PPFIBP1: variants seen among roughly 807,000 people sequenced by gnomAD.
The protein encoded by PPFIBP1 is liprin-beta-1.
PPFIBP1 carries 112 observed loss-of-function variants against 137.8 expected under a neutral mutation model. That is an observed-to-expected ratio of 0.81 (90% CI 0.70 to 0.95). The LOEUF (loss-of-function observed/expected upper bound fraction) is 0.95. Among genes scored for constraint, PPFIBP1 ranks in the 40% least tolerant of loss-of-function variants. The pLI is 0.00. For synonymous variants in PPFIBP1, 378 were observed against 417.3 expected (o/e 0.91, Z 1.15); for missense variants, 1,083 against 1,196.6 (o/e 0.91, Z 1.40).
intron 1 of PPFIBP1, chr12:27,552,706 T>C (rs1946896565): frequency 6.6e-6 from 1 of 152,216 alleles, no homozygotes; most frequent in Admixed American, 6.5e-5. Flanking sequence ...CATTATTCAA[T>C]GATACTTGTT....
At chr12:27,527,425 T>C (rs571485812) in intron 1 of PPFIBP1, among the ~76,000 whole-genome samples, 24 of 152,034 alleles carry the variant, frequency 1.6e-4, no homozygotes, top group Non-Finnish European at 3.2e-4. Flanking sequence ...GTATTTTTAG[T>C]AGAGGCGGGT....
chr12:27,616,074 T>C (rs1257107680), intron 2 of PPFIBP1, among the ~76,000 whole-genome samples: 3 of 152,278 alleles, frequency 2.0e-5, no homozygotes, highest in Admixed American at 6.5e-5. Flanking sequence ...TTAGTTGTTA[T>C]TGTTTTCTTT....
intron 21 of PPFIBP1, among the ~76,000 whole-genome samples, 174 bp from the exon 22 acceptor site, chr12:27,681,372 A>G (rs1257483789): frequency 1.3e-5 from 2 of 152,356 alleles, no homozygotes; most frequent in East Asian, 3.9e-4. Flanking sequence ...GTCTTAGAAG[A>G]TAACTTTCAA....
intron 1 of PPFIBP1, among the ~76,000 whole-genome samples, chr12:27,554,309 T>C (rs537889156): frequency 4.1e-4 from 63 of 152,328 alleles, no homozygotes; most frequent in African/African-American, 1.3e-3. Flanking sequence ...TTAAAACAAT[T>C]GCTTTCTGAA....
chr12:27,691,876 C>T lies in PPFIBP1; in HGVS notation c.2813C>T (p.Pro938Leu), dbSNP rs2061567854. 1 of 1,613,876 alleles carries T rather than the reference C, an allele frequency of 6.2e-7. No homozygotes were observed. The highest frequency in any genetic ancestry group is 1.7e-5 in the Admixed American group (1 of 59,982). Residue 938 changes from proline to leucine, a missense_variant, in exon 28 of 30, where the codon CCT (proline) becomes CTT (leucine). By Grantham distance (98) the Pro-to-Leu change is moderately conservative (BLOSUM62 -3). Transcript: ENST00000228425. ...SGSASKKGFKPGLDMRLYEED... is the reference protein window; with the variant it reads ...SGSASKKGFKLGLDMRLYEED... ...AGTGCATCTAAGAAAGGATTTAAAC[C>T]TGGTTTGGATATGCGCCTGTATGAG... is the stretch of plus-strand genomic sequence containing the variant.
At chr12:27,618,929 G>T (rs774591264) in intron 2 of PPFIBP1, among the ~76,000 whole-genome samples, 26 of 152,290 alleles carry the variant, frequency 1.7e-4, no homozygotes, top group Non-Finnish European at 2.9e-4. Flanking sequence ...GTTAAGTGAG[G>T]CTGCTTGCCA....
chr12:27,550,491 A>G (rs1946656532), intron 1 of PPFIBP1, among the ~76,000 whole-genome samples: 1 of 152,164 alleles, frequency 6.6e-6, no homozygotes, highest in African/African-American at 2.4e-5. Flanking sequence ...AAGACACTGG[A>G]CTCACAGGAG....
At chr12:27,674,762 G>A (rs1191650417) in intron 17 of PPFIBP1, among the ~76,000 whole-genome samples, 3 of 149,298 alleles carry the variant, frequency 2.0e-5, no homozygotes, top group Non-Finnish European at 4.4e-5. Flanking sequence ...CAAACATTTT[G>A]GTATGTTTAA....
chr12:27,561,390 T>G (rs879337991), intron 1 of PPFIBP1, among the ~76,000 whole-genome samples: 4 of 152,222 alleles, frequency 2.6e-5, no homozygotes, highest in Non-Finnish European at 5.9e-5. Context: ...TAAAGGAAGC[T>G]CCAAGAAAGC....
At position 27,656,528 on chromosome 12, in the gene PPFIBP1, T is replaced by G. The variant is rs903195045; in HGVS notation, c.697-88T>G. 15 of 809,100 alleles carry G rather than the reference T, an allele frequency of 1.9e-5. No homozygotes were observed. The African/African-American group carries it at 2.1e-4, about 11-fold the overall frequency. 50.1% of individuals were successfully genotyped at this position (809,100 alleles called of 1,614,324 possible). A position where few individuals can be genotyped will look rare whatever the true frequency, so the allele number is the denominator to read the frequency against. ...GTAGATTTGTTTCATTCATAAAACC[T>G]GATTATTGATTTAAAGAGCTAATAT... On this transcript the variant is annotated intron_variant, in intron 8 of 29. Transcript: ENST00000228425.
chr12:27,602,529 C>T (rs2054110427), intron 2 of PPFIBP1, among the ~76,000 whole-genome samples: 4 of 152,192 alleles, frequency 2.6e-5, no homozygotes, highest in African/African-American at 9.7e-5. Context: ...TGAGGGCACC[C>T]TTTGAAAGAC....
At position 27,646,904 on chromosome 12, in the gene PPFIBP1, G is replaced by T. The variant is rs370012653; in HGVS notation, c.357+756G>T. ...GAAGGACTAGCCCAACAGCTCCTCA[G>T]GCACCTTTGGGTATATTGAGTTGCC... On this transcript the variant is annotated intron_variant, in intron 5 of 29. Transcript: ENST00000228425. 2.7e-4 allele frequency among the ~76,000 whole-genome samples: 41 copies of T among 152,326 alleles called. No individual in the cohort carries two copies. In the South Asian group the frequency reaches 4.3e-3, roughly 16 times the overall value.
At chr12:27,660,002 A>AT (rs59990246) in intron 10 of PPFIBP1, among the ~76,000 whole-genome samples, 72 of 149,320 alleles carry the variant, frequency 4.8e-4, no homozygotes, top group Middle Eastern at 3.4e-3. Flanking sequence ...ACTTTAGCTG[A>AT]TTTTTTTTTT....
intron 27 of PPFIBP1, 142 bp downstream of exon 27, chr12:27,689,345 A>C (rs962549617): frequency 1.5e-6 from 1 of 675,546 alleles, no homozygotes. Context: ...CTCAGCGCTT[A>C]GTTGTCTTGG....
chr12:27,668,770 A>G (rs2060011748), intron 13 of PPFIBP1, among the ~76,000 whole-genome samples: 1 of 152,224 alleles, frequency 6.6e-6, no homozygotes, highest in Non-Finnish European at 1.5e-5. Context: ...CATTATTTTT[A>G]GAGCCTTTCA....
intron 5 of PPFIBP1, among the ~76,000 whole-genome samples, chr12:27,646,687 C>T (rs2058522463): frequency 1.3e-5 from 2 of 151,966 alleles, no homozygotes; most frequent in Non-Finnish European, 2.9e-5. Context: ...AAAAATGTTA[C>T]CCTGTGTGAG....
At position 27,672,443 on chromosome 12, in the gene PPFIBP1, C is replaced by A. The variant is rs751660733; in HGVS notation, c.1279C>A (p.Leu427Ile). ...ACATTTTAGTGATGGAAACATAATC[C>A]TTGGTGCCACTGTTGATACCCAACT... Reference protein sequence around the residue: ...SFEENDGNIILGATVDTQLCD... With the variant: ...SFEENDGNIIIGATVDTQLCD... Residue 427 changes from leucine to isoleucine, a missense_variant, in exon 15 of 30, where the codon CTT becomes ATT. By Grantham distance (5) the Leu-to-Ile change is conservative (BLOSUM62 2). Transcript: ENST00000228425. The A allele has an allele frequency of 6.2e-7, 1 of 1,608,190 alleles. No individual in the cohort carries two copies.
intron 2 of PPFIBP1, among the ~76,000 whole-genome samples, chr12:27,632,216 T>C (rs1414029382): frequency 1.3e-5 from 2 of 152,192 alleles, no homozygotes; most frequent in Admixed American, 1.3e-4. Flanking sequence ...GAATGCATAA[T>C]TGGGAACTCA....
At chr12:27,594,015 C>G (rs572027581) in intron 2 of PPFIBP1, 3 of 1,339,184 alleles carry the variant, frequency 2.2e-6, no homozygotes, top group Non-Finnish European at 1.9e-6. Flanking sequence ...TCCTCTATGT[C>G]GCTGTTAGAG....
Sources: allele counts gnomAD v4.1 joint callset (sites outside exome capture counted in the v4.1 genomes callset), GRCh38; gene constraint gnomAD v4.1.1; transcripts MANE v1.5; gene names NCBI Gene and HGNC (gene_info 2026-07-23, HGNC 2026-07-21).